TBC1D31: variants seen among roughly 807,000 people sequenced by gnomAD.
TBC1D31 encodes TBC1 domain family member 31, also known as WD repeat domain 67.
TBC1D31 carries 99 observed loss-of-function variants against 132.9 expected under a neutral mutation model. That is an observed-to-expected ratio of 0.74 (90% confidence interval 0.63 to 0.88). The LOEUF (loss-of-function observed/expected upper bound fraction) is 0.88. Ranked by LOEUF, TBC1D31 falls within the 40% of genes least tolerant of loss-of-function variation. The probability of loss-of-function intolerance (pLI) is 0.00; values close to 1 mark genes in which losing one functional copy is unlikely to be tolerated. For synonymous variants in TBC1D31, 385 were observed against 419.4 expected, an observed-to-expected ratio of 0.92 and a Z score of 1.00; for missense variants, 1,134 against 1,256.6, an observed-to-expected ratio of 0.90 and a Z score of 1.48.
chr8:123,105,641 C>T (rs1358688651), intron 8 of TBC1D31, among the ~76,000 whole-genome samples, 177 bp downstream of exon 8: 1 of 152,074 alleles, frequency 6.6e-6, no homozygotes, highest in African/African-American at 2.4e-5. Context: ...CTCAAGTGAT[C>T]CTCCCACCTT....
At chr8:123,124,799 T>C (rs1188460570) in intron 11 of TBC1D31, among the ~76,000 whole-genome samples, 2 of 151,150 alleles carry the variant, frequency 1.3e-5, no homozygotes, top group African/African-American at 4.9e-5. Flanking sequence ...GAGCTGGGCA[T>C]GGTGGTAGGT....
chr8:123,076,791 A>G (rs6986323), intron 1 of TBC1D31, among the ~76,000 whole-genome samples: 106,590 of 152,134 alleles, frequency 0.7, 37,689 homozygotes, highest in African/African-American at 0.78. Flanking sequence ...TTTTTTTAAT[A>G]TCTGTCCTTA....
chr8:123,142,310 G>T lies in TBC1D31; in HGVS notation c.2689G>T (p.Asp897Tyr). The T allele has an allele frequency of 6.3e-7, 1 of 1,599,994 alleles. No individual in the cohort carries two copies. The highest frequency in any genetic ancestry group is 1.1e-5 in the South Asian group (1 of 87,292). The change falls in exon 19 of 22, where the codon GAC (aspartate) becomes TAC (tyrosine). Residue 897 changes from aspartate (D) to tyrosine (Y), a missense_variant. Physicochemically the swap from Asp to Tyr is radical, Grantham distance 160. Transcript: ENST00000287380. ...GGCTGAACAAGCATGCCTAAATACC[G>T]ACTGGCAGATTCAGTCTTTACATAA... ...AKAEQACLNT[D>Y]WQIQSLHKQK...
chr8:123,126,311 CAGTAT>C (rs1185663268), intron 12 of TBC1D31, 122 bp downstream of exon 12: 27 of 1,312,432 alleles, frequency 2.1e-5, no homozygotes, highest in Admixed American at 1.7e-4. Context: ...GTATTTTTAA[CAGTAT>C]TCCATTCTTT....
In TBC1D31 at chr8:123,109,461, A is replaced by G; in HGVS notation, c.1290-13A>G. On this transcript the variant is annotated splice_polypyrimidine_tract_variant and intron_variant, in intron 9 of 21. Transcript: ENST00000287380. ...AAAAAAATTGGGGGGATTAAAATAT[A>G]TTTTTATTTCAGAATGTTCATTTGG... 1 of 1,610,770 alleles carries G rather than the reference A, an allele frequency of 6.2e-7. No individual in the cohort carries two copies. Among genetic ancestry groups the G allele is most frequent in the Non-Finnish European group, 8.5e-7 (1 of 1,178,810 alleles).
At chr8:123,158,232 TA>T in the TBC1D31 span, among the ~76,000 whole-genome samples, 1 of 151,878 alleles carries the variant, frequency 6.6e-6, no homozygotes, top group Non-Finnish European at 1.5e-5. Flanking sequence ...GGTTTTTCCC[TA>T]ACACATGTTC....
chr8:123,127,631 TATC>T (rs1327397618), intron 13 of TBC1D31, among the ~76,000 whole-genome samples: 3 of 152,176 alleles, frequency 2.0e-5, no homozygotes, highest in Non-Finnish European at 4.4e-5. Flanking sequence ...TGCATAATCT[TATC>T]ATGACCCATC....
At chr8:123,114,740 C>T (rs1475893812) in intron 10 of TBC1D31, among the ~76,000 whole-genome samples, 1 of 152,098 alleles carries the variant, frequency 6.6e-6, no homozygotes, top group Non-Finnish European at 1.5e-5. Context: ...AAATCAGCAC[C>T]TCTTCCAGCC....
chr8:123,094,567 C>G (rs1033125982), intron 5 of TBC1D31, among the ~76,000 whole-genome samples: 2 of 150,686 alleles, frequency 1.3e-5, no homozygotes, highest in Non-Finnish European at 3.0e-5. Flanking sequence ...GAGACGAAGT[C>G]TCATTCTTGT....
rs180788619 is a variant in TBC1D31, at chr8:123,112,753, G to A, written c.1436+3133G>A. Among the ~76,000 whole-genome samples, 11 of 152,160 alleles carry A rather than the reference G, an allele frequency of 7.2e-5. No individual in the cohort carries two copies. In the East Asian group the frequency reaches 2.1e-3, roughly 29 times the overall value. ...ATAAATGTTAGATGCTGAGTCAAAG[G>A]GTAAATACATAATATACTGCCCTTT... On this transcript the variant is annotated intron_variant, in intron 10 of 21. Coordinates refer to ENST00000287380, the MANE Select transcript of TBC1D31 (RefSeq NM_145647.4).
chr8:123,075,680 G>A (rs1458748790), intron 1 of TBC1D31, among the ~76,000 whole-genome samples: 1 of 151,624 alleles, frequency 6.6e-6, no homozygotes, highest in African/African-American at 2.4e-5. Context: ...TCTAGCCTGG[G>A]TGACAGAGCG....
chr8:123,142,493 A>T (rs775970554), intron 19 of TBC1D31, 37 bp downstream of exon 19: 6 of 1,362,242 alleles, frequency 4.4e-6, no homozygotes, highest in Non-Finnish European at 5.8e-6. Flanking sequence ...AATATCAAGC[A>T]TTGATTTTTT....
chr8:123,159,774 A>G, the TBC1D31 span, among the ~76,000 whole-genome samples: 1 of 138,036 alleles, frequency 7.2e-6, no homozygotes, highest in Non-Finnish European at 1.5e-5. Flanking sequence ...CCTGGGCAAC[A>G]AGAGCGAAAC....
chr8:123,109,950 G>A (rs1251906734), intron 10 of TBC1D31, among the ~76,000 whole-genome samples: 1 of 152,098 alleles, frequency 6.6e-6, no homozygotes, highest in Non-Finnish European at 1.5e-5. Flanking sequence ...AAAATTAGCT[G>A]GGTGTGGTGG....
chr8:123,139,670 A>G (rs912787276), intron 17 of TBC1D31, among the ~76,000 whole-genome samples: 2 of 152,156 alleles, frequency 1.3e-5, no homozygotes, highest in Admixed American at 1.3e-4. Context: ...GTCTGAGAAC[A>G]CAGCCCGTAG....
chr8:123,111,908 C>T (rs1818478153), intron 10 of TBC1D31, among the ~76,000 whole-genome samples: 1 of 152,114 alleles, frequency 6.6e-6, no homozygotes, highest in Non-Finnish European at 1.5e-5. Flanking sequence ...GGCTGGAGTA[C>T]AATGGCATAA....
Position 123,102,161 on chromosome 8 carries a change from G to A in TBC1D31, c.1032+1154G>A, listed in dbSNP as rs115377666. The A allele has an allele frequency of 4.4e-3, 2,004 of 450,882 alleles. 37 individuals carry two copies. Among genetic ancestry groups the A allele is most frequent in the African/African-American group, 0.037 (1,838 of 49,868 alleles). The allele number at this position is 450,882 out of a possible 1,614,324, so 27.9% of individuals were successfully genotyped here. ...CCCCAGCTAACCAGTCATATTGTCC[G>A]TGTGTCTTCCAGTCTGAAATTGCAC... On this transcript the variant is annotated intron_variant, in intron 7 of 21. Coordinates refer to ENST00000287380, the MANE Select transcript of TBC1D31 (RefSeq NM_145647.4).
the TBC1D31 span, among the ~76,000 whole-genome samples, chr8:123,158,078 T>A: frequency 6.9e-6 from 1 of 145,214 alleles, no homozygotes; most frequent in South Asian, 2.2e-4. Flanking sequence ...GTGGAAGCGG[T>A]GAGTTAATGT....
intron 11 of TBC1D31, among the ~76,000 whole-genome samples, chr8:123,122,097 T>TA (rs1374756491): frequency 3.9e-5 from 6 of 152,184 alleles, no homozygotes; most frequent in African/African-American, 1.2e-4. Flanking sequence ...GGTAGACATG[T>TA]AAAATGGTGC....
Sources: gnomAD v4.1 joint callset for allele counts (sites outside exome capture counted in the v4.1 genomes callset) on GRCh38, gnomAD v4.1.1 for gene constraint, MANE v1.5 for transcripts, NCBI Gene and HGNC (gene_info 2026-07-23, HGNC 2026-07-21) for gene names.